The following IL3RA variants were observed in gnomAD, a reference collection of about 807,000 sequenced individuals.
IL3RA encodes interleukin-3 receptor subunit alpha.
Under a neutral mutation model 52.3 loss-of-function variants are expected in IL3RA, and 73 were observed. That is an observed-to-expected ratio of 1.40 (90% CI 1.16 to 1.70). IL3RA has a LOEUF of 1.70. IL3RA is among the 40% of genes most tolerant of loss of function. The pLI is 0.00. For synonymous variants in IL3RA, 260 were observed against 194.0 expected, an observed-to-expected ratio of 1.34 and a Z score of -2.83; for missense variants, 664 against 504.4, an observed-to-expected ratio of 1.32 and a Z score of -3.03.
At chrX:1,380,500 AGGG>A (rs2089111283) in intron 10 of IL3RA, among the ~76,000 whole-genome samples, 1 of 4,754 alleles carries the variant, frequency 2.1e-4, no homozygotes, top group Non-Finnish European at 4.0e-4. Flanking sequence ...AGGAGGGGGA[AGGG>A]AGGAGGGGGA....
intron 10 of IL3RA, among the ~76,000 whole-genome samples, chrX:1,380,681 A>G (rs73624893): frequency 0.64 from 48,811 of 75,830 alleles, 15,254 homozygotes; most frequent in African/African-American, 0.77. Flanking sequence ...GGGGTGGAGG[A>G]GGGAGGAAAA....
chrX:1,354,177 G>T (rs1206041081), intron 6 of IL3RA, among the ~76,000 whole-genome samples: 2 of 151,718 alleles, frequency 1.3e-5, no homozygotes, highest in Non-Finnish European at 2.9e-5. Flanking sequence ...GGTCACGGGA[G>T]CCCCCATCAT....
intron 7 of IL3RA, among the ~76,000 whole-genome samples, chrX:1,357,937 C>T (rs1201523644): frequency 1.3e-5 from 2 of 150,168 alleles, no homozygotes; most frequent in Admixed American, 1.3e-4. Context: ...CCCGTCTCTA[C>T]TAAAAATACA....
rs201055139 is a variant in IL3RA at position 1,358,905 on chromosome X, C to G, written c.759+18C>G. On this transcript the variant is annotated intron_variant, in intron 8 of 11. Coordinates refer to ENST00000331035, the MANE Select transcript of IL3RA (RefSeq NM_002183.4). The stretch of plus-strand genomic sequence containing the variant: ...CAGAACAGGTGAGTGTTCCCTACCC[C>G]CAGCCGCTGTACTTGACATTGCAAA... The G allele has an allele frequency of 3.7e-6, 6 of 1,608,266 alleles. No homozygotes were observed. The highest frequency in any genetic ancestry group is 1.1e-5 in the South Asian group (1 of 90,278).
intron 4 of IL3RA, among the ~76,000 whole-genome samples, 182 bp from the exon 5 acceptor site, chrX:1,351,918 C>G (rs1185176771): frequency 6.6e-6 from 1 of 152,096 alleles, no homozygotes; most frequent in Non-Finnish European, 1.5e-5. Context: ...GCGCGTGCCA[C>G]CAGACACAGC....
chrX:1,356,116 G>A (rs1317524019), intron 6 of IL3RA, 105 bp from the exon 7 acceptor site: 4 of 744,370 alleles, frequency 5.4e-6, no homozygotes, highest in South Asian at 1.7e-5. Context: ...CTCTCCAAAT[G>A]CATAGGAGAA....
Position 1,348,644 on chromosome X carries a change from C to CTCTTTCTTTCTTTCTT in IL3RA, c.298+133_298+148dup, listed in dbSNP as rs762100895. The CTCTTTCTTTCTTTCTT allele has an allele frequency of 4.7e-3, 2,311 of 496,798 alleles. 123 individuals are homozygous for CTCTTTCTTTCTTTCTT. Among genetic ancestry groups the CTCTTTCTTTCTTTCTT allele is most frequent in the East Asian group, 0.011 (337 of 31,490 alleles). The allele number at this position is 496,798 out of a possible 1,614,324, so 30.8% of individuals were successfully genotyped here. On this transcript the variant is annotated intron_variant, in intron 4 of 11. Coordinates refer to ENST00000331035, the MANE Select transcript of IL3RA (RefSeq NM_002183.4). ...GCTGTGTCTTTTTTCTTTTCTTTTTCTCTTTCTTTCTTTCTTTCTTTCTTT... is the reference window on the plus strand; with the variant it reads ...GCTGTGTCTTTTTTCTTTTCTTTTTCTCTTTCTTTCTTTCTTTCTTTCTTTCTTTCTTTCTTTCTTT...
chrX:1,353,331 CCCA>C (rs1209518240), intron 6 of IL3RA, among the ~76,000 whole-genome samples: 4 of 150,484 alleles, frequency 2.7e-5, no homozygotes, highest in African/African-American at 9.9e-5. Context: ...ATGGGACCCC[CCCA>C]TCATGGGTCC....
Position 1,381,064 on chromosome X carries a change from T to A in IL3RA, c.1022T>A (p.Met341Lys). 1 of 1,613,778 alleles carries A rather than the reference T, an allele frequency of 6.2e-7. No individual in the cohort carries two copies. Among genetic ancestry groups the A allele is most frequent in the South Asian group, 1.1e-5 (1 of 91,062 alleles). Reference sequence around the variant, plus strand: ...AGACTCTTTCCCCGCATCCCTCACATGAAAGACCCCATCGGTGACAGCTTC... The same window carrying A: ...AGACTCTTTCCCCGCATCCCTCACAAGAAAGACCCCATCGGTGACAGCTTC... ...MQRLFPRIPH[M>K]KDPIGDSFQN... The change falls in exon 11 of 12, where the codon ATG becomes AAG. Residue 341 changes from methionine to lysine, a missense_variant. Coordinates refer to ENST00000331035, the MANE Select transcript of IL3RA (RefSeq NM_002183.4).
intron 2 of IL3RA, among the ~76,000 whole-genome samples, chrX:1,342,578 G>A (rs1426027449): frequency 6.5e-4 from 21 of 32,344 alleles, no homozygotes; most frequent in Non-Finnish European, 1.2e-3. Flanking sequence ...TTTTTTTTTT[G>A]ACACAGAGTT....
At chrX:1,380,981 C>T (rs374788902) in intron 10 of IL3RA, 42 bp from the exon 11 acceptor site, 36 of 1,524,222 alleles carry the variant, frequency 2.4e-5, no homozygotes, top group African/African-American at 1.1e-4. Flanking sequence ...ATGAGCTGGT[C>T]GGTTTTGGGT....
At chrX:1,346,314 C>T (rs2085740025) in intron 3 of IL3RA, among the ~76,000 whole-genome samples, 1 of 151,942 alleles carries the variant, frequency 6.6e-6, no homozygotes, top group Non-Finnish European at 1.5e-5. Context: ...TGGTGGGCGC[C>T]TGTAATCCCA....
intron 9 of IL3RA, among the ~76,000 whole-genome samples, chrX:1,368,242 G>A (rs1351729280): frequency 1.3e-5 from 2 of 151,914 alleles, no homozygotes; most frequent in Non-Finnish European, 2.9e-5. Flanking sequence ...CAGCCTGGGC[G>A]ACAAGAGCGA....
chrX:1,347,663 A>G (rs2085811841), intron 3 of IL3RA, among the ~76,000 whole-genome samples: 2 of 151,944 alleles, frequency 1.3e-5, no homozygotes, highest in East Asian at 1.9e-4. Context: ...CAAGAAAAAA[A>G]CAAAGCAAAA....
chrX:1,357,131 T>C (rs2086795709), intron 7 of IL3RA, among the ~76,000 whole-genome samples: 1 of 152,006 alleles, frequency 6.6e-6, no homozygotes, highest in South Asian at 2.1e-4. Context: ...TTTTTGTATT[T>C]TTAGTAGAAA....
rs751376578 is a variant in IL3RA, at chrX:1,345,124, T to C, written c.65-192T>C. Among the ~76,000 whole-genome samples, 150 of 151,144 alleles carry C rather than the reference T, an allele frequency of 9.9e-4. 1 individual carries two copies. Among genetic ancestry groups the C allele is most frequent in the African/African-American group, 2.8e-3 (113 of 41,018 alleles). ...CGGAGCTTGCAGTGAGCTGAGATCGTGCCACTGTAGTCCAGCCAGGGCGAC... is the reference window on the plus strand; with the variant it reads ...CGGAGCTTGCAGTGAGCTGAGATCGCGCCACTGTAGTCCAGCCAGGGCGAC... On this transcript the variant is annotated intron_variant, in intron 2 of 11. Transcript: ENST00000331035.
In IL3RA at chrX:1,359,967, A is replaced by G. The variant is rs111161737; in HGVS notation, c.759+1080A>G. On this transcript the variant is annotated intron_variant, in intron 8 of 11. Transcript: ENST00000331035. ...TCTGTTTCTCCGTGTCTGTCTCTGTATCTCTCTCCCTTTCTCCCTCCATCT... is the reference window on the plus strand; with the variant it reads ...TCTGTTTCTCCGTGTCTGTCTCTGTGTCTCTCTCCCTTTCTCCCTCCATCT... Among the ~76,000 whole-genome samples the G allele has an allele frequency of 4.5e-3, 540 of 118,800 alleles. 6 individuals carry two copies. The highest frequency in any genetic ancestry group is 0.015 in the African/African-American group (465 of 30,096). The allele number at this position is 118,800 out of a possible 152,430, so 77.9% of individuals were successfully genotyped here. A position where few individuals can be genotyped will look rare whatever the true frequency, so the allele number is the denominator to read the frequency against.
At chrX:1,368,690 G>C (rs1483356392) in intron 9 of IL3RA, among the ~76,000 whole-genome samples, 3 of 152,130 alleles carry the variant, frequency 2.0e-5, no homozygotes, top group Non-Finnish European at 2.9e-5. Context: ...GACACACACA[G>C]AGGGACGACC....
chrX:1,360,721 G>T (rs1401337086), intron 8 of IL3RA, among the ~76,000 whole-genome samples: 1 of 151,686 alleles, frequency 6.6e-6, no homozygotes. Context: ...TAGAGACAGG[G>T]TTTCACTAGT....
Sources: gnomAD v4.1 joint callset for allele counts (sites outside exome capture counted in the v4.1 genomes callset) on GRCh38, gnomAD v4.1.1 for gene constraint, MANE v1.5 for transcripts, NCBI Gene and HGNC (gene_info 2026-07-23, HGNC 2026-07-21) for gene names.